The following TAX1BP1 variants were observed in gnomAD, a reference collection of about 807,000 sequenced individuals.
TAX1BP1 encodes the protein Tax1 binding protein 1, also known as tax1-binding protein 1.
TAX1BP1 carries 62 observed loss-of-function variants against 97.7 expected under a neutral mutation model. The ratio of observed to expected loss-of-function variants is 0.63; its 90% CI spans 0.52 to 0.78. The LOEUF (loss-of-function observed/expected upper bound fraction) is 0.78, where lower values mean the gene tolerates loss of function less well. TAX1BP1 is among the 30% of genes least tolerant of loss of function. The pLI, the probability that TAX1BP1 is intolerant of heterozygous loss-of-function variation, is 0.00. For synonymous variants in TAX1BP1, 340 were observed against 304.2 expected (o/e 1.12, Z -1.23); for missense variants, 867 against 916.1 (o/e 0.95, Z 0.69).
intron 16 of TAX1BP1, among the ~76,000 whole-genome samples, chr7:27,828,411 A>G (rs1737002339): frequency 6.6e-6 from 1 of 152,290 alleles, no homozygotes; most frequent in Non-Finnish European, 1.5e-5. Context: ...TTGTTAATCT[A>G]ATTGTAAAAT....
At chr7:27,778,909 G>T (rs1789137528) in intron 5 of TAX1BP1, among the ~76,000 whole-genome samples, 1 of 142,344 alleles carries the variant, frequency 7.0e-6, no homozygotes, top group Non-Finnish European at 1.5e-5. Flanking sequence ...TATATTTATA[G>T]AGTCATGCCA....
Position 27,748,500 on chromosome 7 carries a change from A to G in TAX1BP1, c.-7-18A>G, listed in dbSNP as rs187422192. ...TCTTAGTTGGTATAATTTAACTTGT[A>G]TGAATTACTTGTTTCAGATTCACAA... On this transcript the variant is annotated intron_variant, in intron 1 of 16. Coordinates refer to ENST00000396319, the MANE Select transcript of TAX1BP1 (RefSeq NM_006024.7). 1.0e-5 allele frequency: 16 copies of G among 1,549,788 alleles called. No individual in the cohort carries two copies. The highest frequency in any genetic ancestry group is 4.6e-5 in the East Asian group (2 of 43,500).
chr7:27,791,252 A>AT (rs988509800), intron 8 of TAX1BP1, among the ~76,000 whole-genome samples: 1 of 152,016 alleles, frequency 6.6e-6, no homozygotes. Flanking sequence ...ATTGGGTTGC[A>AT]TTTTTTTCCT....
Position 27,828,812 on chromosome 7 carries a change from G to T in TAX1BP1, c.2353G>T (p.Val785Phe). ...TGTGCAGACCCATTTTGATCAGAAT[G>T]TTCTAAATTTTGACTAGTTACTTTT... ...RHVQTHFDQN[V>F]LNFD Residue 785 changes from valine to phenylalanine, a missense_variant, in exon 17 of 17, where the codon GTT (valine) becomes TTT (phenylalanine). By Grantham distance (50) the Val-to-Phe change is conservative. This residue lies in a region of TAX1BP1 where 34 missense variants were observed against 33.2 expected (regional missense o/e 1.02). Coordinates refer to ENST00000396319, the MANE Select transcript of TAX1BP1 (RefSeq NM_006024.7). The T allele has an allele frequency of 6.6e-7, 1 of 1,515,764 alleles. No individual in the cohort carries two copies. Among genetic ancestry groups the T allele is most frequent in the Non-Finnish European group, 8.9e-7 (1 of 1,120,374 alleles). The allele number at this position is 1,515,764 out of a possible 1,614,324, so 93.9% of individuals were successfully genotyped here.
intron 12 of TAX1BP1, among the ~76,000 whole-genome samples, 156 bp from the exon 13 acceptor site, chr7:27,799,809 A>C (rs1041794538): frequency 2.0e-5 from 3 of 152,160 alleles, no homozygotes; most frequent in Admixed American, 1.3e-4. Context: ...AAAATGATTT[A>C]TCCAATTGTC....
At chr7:27,769,287 A>G (rs1174629948) in intron 4 of TAX1BP1, among the ~76,000 whole-genome samples, 2 of 151,982 alleles carry the variant, frequency 1.3e-5, no homozygotes, top group Non-Finnish European at 2.9e-5. Context: ...GATTTCCTAT[A>G]GGTTTGCATT....
At chr7:27,754,107 A>G (rs182828916) in intron 2 of TAX1BP1, among the ~76,000 whole-genome samples, 4 of 152,252 alleles carry the variant, frequency 2.6e-5, no homozygotes, top group East Asian at 1.9e-4. Context: ...ATACTAGACA[A>G]ACAAAACCTC....
intron 13 of TAX1BP1, among the ~76,000 whole-genome samples, chr7:27,810,374 C>G (rs1790511732): frequency 6.6e-6 from 1 of 152,080 alleles, no homozygotes; most frequent in Non-Finnish European, 1.5e-5. Flanking sequence ...CTAAATGTAT[C>G]TCCTATTTCT....
In TAX1BP1 at chr7:27,808,710, G is replaced by A. The variant is rs184838837; in HGVS notation, c.1765-7639G>A. 2.0e-5 allele frequency among the ~76,000 whole-genome samples: 3 copies of A among 152,246 alleles called. No individual in the cohort carries two copies. In the East Asian group the frequency reaches 5.8e-4, roughly 29 times the overall value. ...GGTACCGAAGAAAAAAAGTATTTAG[G>A]CACCCTGGCAAAGGCAACCAGCTAA... On this transcript the variant is annotated intron_variant, in intron 13 of 16. Transcript: ENST00000396319.
At chr7:27,814,028 C>A (rs1053032677) in intron 13 of TAX1BP1, among the ~76,000 whole-genome samples, 2 of 151,474 alleles carry the variant, frequency 1.3e-5, no homozygotes, top group African/African-American at 2.4e-5. Context: ...AGAAATAACT[C>A]CTCATGATCC....
At chr7:27,817,149 TGGAAGG>T in intron 15 of TAX1BP1, 111 bp downstream of exon 15, 1 of 1,304,604 alleles carries the variant, frequency 7.7e-7, no homozygotes, top group South Asian at 1.7e-5. Flanking sequence ...TGCGTGTGTG[TGGAAGG>T]AGAGTGTGTG....
intron 15 of TAX1BP1, among the ~76,000 whole-genome samples, chr7:27,826,262 T>C (rs1791174394): frequency 6.6e-6 from 1 of 152,236 alleles, no homozygotes; most frequent in Non-Finnish European, 1.5e-5. Context: ...CATTAGGTTA[T>C]CTGTCCCGTT....
At chr7:27,753,128 T>G (rs954851858) in intron 2 of TAX1BP1, among the ~76,000 whole-genome samples, 1 of 152,128 alleles carries the variant, frequency 6.6e-6, no homozygotes, top group African/African-American at 2.4e-5. Context: ...GGCGAAACCC[T>G]GTCTCTACTA....
At chr7:27,823,858 G>C (rs114004447) in intron 15 of TAX1BP1, among the ~76,000 whole-genome samples, 1,684 of 152,224 alleles carry the variant, frequency 0.011, 25 homozygotes, top group African/African-American at 0.036. Flanking sequence ...GAATCATATA[G>C]TATTTGTCTT....
rs57751582 is a variant in TAX1BP1 at position 27,771,097 on chromosome 7, A to ATTTTTTTTTTT, written c.612+1286_612+1296dup. On this transcript the variant is annotated intron_variant, in intron 5 of 16. Coordinates refer to ENST00000396319, the MANE Select transcript of TAX1BP1 (RefSeq NM_006024.7). ...TCGATGACTATTAGGACATTCAGCA[A>ATTTTTTTTTTT]TTTTTTTTTTTTTTTTTTTTTTTTT... Among the ~76,000 whole-genome samples, 23 of 40,616 alleles carry ATTTTTTTTTTT rather than the reference A, an allele frequency of 5.7e-4. 2 individuals are homozygous for ATTTTTTTTTTT. The highest frequency in any genetic ancestry group is 7.9e-4 in the Non-Finnish European group (16 of 20,184). The allele number at this position is 40,616 out of a possible 152,430, so 26.6% of individuals were successfully genotyped here.
In TAX1BP1 at chr7:27,796,266, G is replaced by T; in HGVS notation, c.1638+47G>T. 3 of 1,386,288 alleles carry T rather than the reference G, an allele frequency of 2.2e-6. No individual in the cohort carries two copies. The South Asian group carries it at 4.0e-5, about 18-fold the overall frequency. 85.9% of individuals were successfully genotyped at this position (1,386,288 alleles called of 1,614,324 possible). On this transcript the variant is annotated intron_variant, in intron 12 of 16. Coordinates refer to ENST00000396319, the MANE Select transcript of TAX1BP1 (RefSeq NM_006024.7). ...TGAAAGAGATTTATAAAATGTTAAT[G>T]ACTTAGCTTACCTTTATTGTTTCAA...
intron 12 of TAX1BP1, among the ~76,000 whole-genome samples, chr7:27,797,037 G>A (rs570383158): frequency 1.1e-3 from 163 of 149,174 alleles, no homozygotes; most frequent in African/African-American, 3.8e-3. Context: ...TCACTCTCTC[G>A]CTCAGGCTGG....
At chr7:27,811,238 A>G (rs1441104412) in intron 13 of TAX1BP1, among the ~76,000 whole-genome samples, 1 of 152,222 alleles carries the variant, frequency 6.6e-6, no homozygotes, top group Non-Finnish European at 1.5e-5. Context: ...GTTGAAAGGC[A>G]GGAATGCCAT....
intron 9 of TAX1BP1, among the ~76,000 whole-genome samples, chr7:27,792,771 G>A (rs566446283): frequency 2.3e-4 from 35 of 151,924 alleles, no homozygotes; most frequent in Non-Finnish European, 3.8e-4. Context: ...AGACCAGCCC[G>A]GGCAACATAG....
Sources: gnomAD v4.1 joint callset for allele counts (sites outside exome capture counted in the v4.1 genomes callset) on GRCh38, gnomAD v4.1.1 for gene constraint, gnomAD v4.1.1 regional missense constraint, MANE v1.5 for transcripts, NCBI Gene and HGNC (gene_info 2026-07-23, HGNC 2026-07-21) for gene names.